Variants in RALGPS2 observed in about 807,000 individuals in gnomAD.
RALGPS2 encodes the protein ras-specific guanine nucleotide-releasing factor RalGPS2.
In RALGPS2, 43 loss-of-function variants were observed where a neutral mutation model predicts 86.8. The observed-to-expected ratio is 0.50, with a 90% CI of 0.39 to 0.64. RALGPS2 has a LOEUF of 0.64. Among genes scored for constraint, RALGPS2 ranks in the 30% least tolerant of loss-of-function variants. The pLI is 0.00. For synonymous variants in RALGPS2, 243 were observed against 231.3 expected, an observed-to-expected ratio of 1.05 and a Z score of -0.46; for missense variants, 536 against 694.6, an observed-to-expected ratio of 0.77 and a Z score of 2.57.
intron 1 of RALGPS2, among the ~76,000 whole-genome samples, chr1:178,766,237 T>C (rs1652500967): frequency 6.6e-6 from 1 of 152,204 alleles, no homozygotes; most frequent in Non-Finnish European, 1.5e-5. Flanking sequence ...CGGCCATGGC[T>C]TCAGCCGGTT....
At chr1:178,890,579 T>C (rs1481107284) in intron 14 of RALGPS2, among the ~76,000 whole-genome samples, 1 of 152,002 alleles carries the variant, frequency 6.6e-6, no homozygotes, top group Admixed American at 6.6e-5. Flanking sequence ...AGTCACAATT[T>C]ATAAAACAAT....
chr1:178,865,376 T>C (rs1386024514), intron 8 of RALGPS2: 1 of 1,614,084 alleles, frequency 6.2e-7, no homozygotes, highest in Non-Finnish European at 8.5e-7. Context: ...TAATTGCATA[T>C]AGAGTTGAGT....
chr1:178,745,819 CTTCTTTTTTTTTTTTT>C (rs914263227), intron 1 of RALGPS2, among the ~76,000 whole-genome samples: 3 of 127,996 alleles, frequency 2.3e-5, no homozygotes, highest in African/African-American at 9.1e-5. Flanking sequence ...GAATTCAATT[CTTCTTTTTTTTTTTTT>C]TTTTTTTTTT....
chr1:178,882,476 C>T (rs1390943002), intron 10 of RALGPS2, among the ~76,000 whole-genome samples: 1 of 152,158 alleles, frequency 6.6e-6, no homozygotes, highest in African/African-American at 2.4e-5. Flanking sequence ...AATCATTTAT[C>T]TATTCAATAT....
intron 8 of RALGPS2, among the ~76,000 whole-genome samples, chr1:178,840,739 T>C (rs1656561442): frequency 3.3e-5 from 5 of 150,648 alleles, no homozygotes. Flanking sequence ...ATCAACAAAA[T>C]AGACCACTAG....
At chr1:178,815,396 A>AT (rs986670070) in intron 6 of RALGPS2, among the ~76,000 whole-genome samples, 2 of 151,872 alleles carry the variant, frequency 1.3e-5, no homozygotes, top group African/African-American at 4.8e-5. Context: ...TCTTCTATTG[A>AT]TTTTTGTAGG....
chr1:178,834,954 T>C (rs1656202887), intron 8 of RALGPS2, among the ~76,000 whole-genome samples: 1 of 152,066 alleles, frequency 6.6e-6, no homozygotes, highest in Admixed American at 6.5e-5. Flanking sequence ...ATTTTTGTAT[T>C]TTTAGTAGAG....
At chr1:178,830,528 T>A (rs1344662918) in intron 7 of RALGPS2, among the ~76,000 whole-genome samples, 1 of 152,132 alleles carries the variant, frequency 6.6e-6, no homozygotes, top group Admixed American at 6.5e-5. Flanking sequence ...GTCACCAGTT[T>A]GGGGGAAAAA....
intron 1 of RALGPS2, among the ~76,000 whole-genome samples, chr1:178,765,074 C>A (rs1217468788): frequency 6.6e-6 from 1 of 152,052 alleles, no homozygotes; most frequent in Non-Finnish European, 1.5e-5. Context: ...CCTGAGGCCT[C>A]CCCAGAAGCA....
At chr1:178,859,824 C>A (rs1234473641) in intron 8 of RALGPS2, among the ~76,000 whole-genome samples, 1 of 70,918 alleles carries the variant, frequency 1.4e-5, no homozygotes, top group South Asian at 7.4e-4. Context: ...CTGCCCGCCC[C>A]CCCCCCCCCA....
intron 17 of RALGPS2, among the ~76,000 whole-genome samples, chr1:178,901,699 A>AT (rs1553276838): frequency 6.6e-6 from 1 of 151,800 alleles, no homozygotes; most frequent in African/African-American, 2.4e-5. Flanking sequence ...AAAAAAAAAA[A>AT]GAACTCTCTG....
intron 17 of RALGPS2, among the ~76,000 whole-genome samples, chr1:178,901,546 C>CA (rs1185103074): frequency 5.9e-5 from 9 of 151,816 alleles, no homozygotes; most frequent in Non-Finnish European, 1.3e-4. Flanking sequence ...TGGTTAACTA[C>CA]AAAAGTAATA....
At position 178,833,512 on chromosome 1, in the gene RALGPS2, T is replaced by C. The variant is rs140883827; in HGVS notation, c.569T>C (p.Ile190Thr). The C allele has an allele frequency of 1.0e-5, 16 of 1,533,056 alleles. No homozygotes were observed. The highest frequency in any genetic ancestry group is 1.4e-5 in the Non-Finnish European group (16 of 1,152,044). The allele number at this position is 1,533,056 out of a possible 1,614,324, so 95.0% of individuals were successfully genotyped here. A position where few individuals can be genotyped will look rare whatever the true frequency, so the allele number is the denominator to read the frequency against. Residue 190 changes from isoleucine (I) to threonine (T), a missense_variant, in exon 8 of 20, where the codon ATA becomes ACA. Around this residue, in one of 3 missense-constraint regions of RALGPS2, gnomAD observed 184 missense variants for 296.7 expected, o/e 0.62. Coordinates refer to ENST00000367635, the MANE Select transcript of RALGPS2 (RefSeq NM_152663.5). ...EDNYKRLRDY[I>T]SSLKMTPCIP... is the part of the protein sequence containing the mutation. ...AACTACAAAAGACTCAGAGACTATA[T>C]AAGTAGCTTAAAGATGACACCTTGC...
chr1:178,729,976 C>G (rs1021021357), intron 1 of RALGPS2, among the ~76,000 whole-genome samples: 1 of 152,188 alleles, frequency 6.6e-6, no homozygotes, highest in African/African-American at 2.4e-5. Flanking sequence ...GAGTATTGCT[C>G]TATCGCCCAG....
chr1:178,815,239 C>T (rs1451883074), intron 6 of RALGPS2, among the ~76,000 whole-genome samples: 1 of 152,034 alleles, frequency 6.6e-6, no homozygotes, highest in Non-Finnish European at 1.5e-5. Flanking sequence ...CACCACCATG[C>T]CCAGTTAATT....
intron 1 of RALGPS2, among the ~76,000 whole-genome samples, chr1:178,763,538 A>G (rs1319137293): frequency 6.6e-6 from 1 of 152,056 alleles, no homozygotes; most frequent in Non-Finnish European, 1.5e-5. Flanking sequence ...GTGTTTTATA[A>G]TCTTCATTGT....
At position 178,919,961 on chromosome 1, in the gene RALGPS2, T is replaced by C. The variant is rs891152692; in HGVS notation, c.*3602T>C. The C allele has an allele frequency of 6.6e-6, 1 of 152,096 alleles. No individual in the cohort carries two copies. The highest frequency in any genetic ancestry group is 1.5e-5 in the Non-Finnish European group (1 of 67,918). The allele number at this position is 152,096 out of a possible 1,614,324, so 9.4% of individuals were successfully genotyped here. A position where few individuals can be genotyped will look rare whatever the true frequency, so the allele number is the denominator to read the frequency against. On this transcript the variant is annotated 3_prime_UTR_variant, in exon 20 of 20. Transcript: ENST00000367635. ...CTGTGTCCAGGTGGAGTAATAGTAC[T>C]GCTGTTGCATGAATAGATGATACAA...
At chr1:178,809,517 G>A (rs1055135950) in intron 5 of RALGPS2, among the ~76,000 whole-genome samples, 1 of 151,532 alleles carries the variant, frequency 6.6e-6, no homozygotes, top group Non-Finnish European at 1.5e-5. Context: ...TTCCAATTCA[G>A]AAATACATTA....
At chr1:178,813,320 A>T (rs1447160071) in intron 6 of RALGPS2, among the ~76,000 whole-genome samples, 3 of 152,192 alleles carry the variant, frequency 2.0e-5, no homozygotes, top group Admixed American at 6.5e-5. Context: ...TTTTAAATTT[A>T]CTTGTATGTT....
Sources: gnomAD v4.1 joint callset for allele counts (sites outside exome capture counted in the v4.1 genomes callset) on GRCh38, gnomAD v4.1.1 for gene constraint, gnomAD v4.1.1 regional missense constraint, MANE v1.5 for transcripts, NCBI Gene and HGNC (gene_info 2026-07-23, HGNC 2026-07-21) for gene names.